Variants in CXCL14 observed in about 807,000 individuals in gnomAD.
The protein encoded by CXCL14 is C-X-C motif chemokine 14.
Under a neutral mutation model 16.1 loss-of-function variants are expected in CXCL14, and 9 were observed. That is an observed-to-expected ratio of 0.56 (90% CI 0.34 to 0.97). The LOEUF (loss-of-function observed/expected upper bound fraction) is 0.97. CXCL14 is among the 50% of genes least tolerant of loss of function. CXCL14 has a pLI of 0.02. For missense variants in CXCL14, 111 were observed against 132.5 expected (o/e 0.84, Z 0.80); for synonymous variants, 55 against 52.8 (o/e 1.04, Z -0.18).
intron 2 of CXCL14, among the ~76,000 whole-genome samples, chr5:135,575,908 G>A (rs189764502): frequency 9.6e-4 from 146 of 152,226 alleles, no homozygotes; most frequent in African/African-American, 3.3e-3. Context: ...AGAAGAGAGG[G>A]ACAGAGGTCA....
At position 135,570,771 on chromosome 5, in the gene CXCL14, G is replaced by C. The variant is rs1451617534; in HGVS notation, c.*1082C>G. 1.3e-5 allele frequency: 2 copies of C among 152,000 alleles called. No individual in the cohort carries two copies. The highest frequency in any genetic ancestry group is 2.9e-5 in the Non-Finnish European group (2 of 68,042). 9.4% of individuals were successfully genotyped at this position (152,000 alleles called of 1,614,324 possible). ...GCTAATGGTTTCTGACATGTACATA[G>C]CATATAACACAGCAGTACAATGCGG... On this transcript the variant is annotated 3_prime_UTR_variant, in exon 4 of 4. Transcript: ENST00000512158.
At chr5:135,576,156 T>A (rs1751093676) in intron 2 of CXCL14, among the ~76,000 whole-genome samples, 1 of 152,186 alleles carries the variant, frequency 6.6e-6, no homozygotes, top group African/African-American at 2.4e-5. Flanking sequence ...CGGGTCTTCC[T>A]GCTGATGCCA....
chr5:135,571,660 A>G lies in CXCL14; in HGVS notation c.*193T>C. 1.7e-6 allele frequency: 1 copy of G among 572,410 alleles called. No individual in the cohort carries two copies. The allele number at this position is 572,410 out of a possible 1,614,324, so 35.5% of individuals were successfully genotyped here. On this transcript the variant is annotated 3_prime_UTR_variant, in exon 4 of 4. Transcript: ENST00000512158. ...ATCTGGAAGCCTTTCGCACGCAGCT[A>G]TAAAATGTAAAAACTGACCGTTGGT...
chr5:135,576,367 G>A (rs752675498), intron 2 of CXCL14, among the ~76,000 whole-genome samples: 2 of 152,234 alleles, frequency 1.3e-5, no homozygotes, highest in Non-Finnish European at 2.9e-5. Flanking sequence ...ACGTGGTAAT[G>A]CCTGATAAAA....
At chr5:135,575,390 A>G (rs1326049401) in intron 2 of CXCL14, among the ~76,000 whole-genome samples, 1 of 152,194 alleles carries the variant, frequency 6.6e-6, no homozygotes, top group African/African-American at 2.4e-5. Flanking sequence ...GTGGTAGAGA[A>G]GCAGGTGTTG....
chr5:135,578,096 C>T (rs1317850209), intron 2 of CXCL14, among the ~76,000 whole-genome samples: 1 of 152,194 alleles, frequency 6.6e-6, no homozygotes, highest in Non-Finnish European at 1.5e-5. Context: ...TGATTTCAGT[C>T]TAGGTTTTCT....
intron 3 of CXCL14, among the ~76,000 whole-genome samples, chr5:135,573,041 GA>G (rs111277613): frequency 0.065 from 9,632 of 149,076 alleles, 1,048 homozygotes; most frequent in African/African-American, 0.22. Flanking sequence ...GAATTTTCAG[GA>G]AAAAAAAAAG....
At chr5:135,573,821 G>A (rs1477205056) in intron 3 of CXCL14, among the ~76,000 whole-genome samples, 2 of 151,892 alleles carry the variant, frequency 1.3e-5, no homozygotes, top group African/African-American at 2.4e-5. Context: ...GGCTACCTTC[G>A]CATGGTACAG....
chr5:135,578,381 G>A (rs1751147446), intron 2 of CXCL14, 53 bp downstream of exon 2: 3 of 1,448,682 alleles, frequency 2.1e-6, no homozygotes, highest in African/African-American at 1.4e-5. Context: ...CTGTGCCCTG[G>A]CATTGGGTTG....
chr5:135,578,259 C>T (rs1751145287), intron 2 of CXCL14, among the ~76,000 whole-genome samples, 175 bp downstream of exon 2: 1 of 152,224 alleles, frequency 6.6e-6, no homozygotes, highest in Admixed American at 6.5e-5. Flanking sequence ...TCCCGACTGT[C>T]TTCCAGAGTG....
chr5:135,571,506 C>A lies in CXCL14; in HGVS notation c.*347G>T. The A allele has an allele frequency of 4.1e-6, 1 of 244,654 alleles. No homozygotes were observed. The allele number at this position is 244,654 out of a possible 1,614,324, so 15.2% of individuals were successfully genotyped here. On this transcript the variant is annotated 3_prime_UTR_variant, in exon 4 of 4. Coordinates refer to ENST00000512158, the MANE Select transcript of CXCL14 (RefSeq NM_004887.5). The stretch of plus-strand genomic sequence containing the variant: ...TTGTTCCTCCCGGGCGCTTATAAAG[C>A]TCAGATGTATAGTGACGTATGGACA...
chr5:135,573,377 GAGGCTGTTTTGGAGGCAGCAAAAA>G (rs547757734), intron 3 of CXCL14, among the ~76,000 whole-genome samples: 9 of 152,336 alleles, frequency 5.9e-5, no homozygotes, highest in African/African-American at 2.2e-4. Context: ...AACTGCAGAT[GAGGCTGTTTTGGAGGCAGCAAAAA>G]AGGCTCAGGT....
intron 1 of CXCL14, 37 bp from the exon 2 acceptor site, chr5:135,578,576 G>A: frequency 6.2e-7 from 1 of 1,606,602 alleles, no homozygotes; most frequent in South Asian, 1.1e-5. Flanking sequence ...TAGTTGCTAG[G>A]CGGTCTCCTG....
chr5:135,574,789 C>T, intron 2 of CXCL14, 104 bp from the exon 3 acceptor site: 2 of 882,636 alleles, frequency 2.3e-6, no homozygotes, highest in South Asian at 2.9e-5. Flanking sequence ...CCCTGAGAGA[C>T]TGTGGCTTCC....
rs2126864985 is a variant in CXCL14, at chr5:135,574,512, C to G, written c.284+60G>C. ...GATGACCTGGTGGGGGGGTCCCTTC[C>G]CATCCTGAGAGCCACAGCTGGGTCT... On this transcript the variant is annotated intron_variant, in intron 3 of 3. Transcript: ENST00000512158. 10 of 1,429,624 alleles carry G rather than the reference C, an allele frequency of 7.0e-6. No individual in the cohort carries two copies. The South Asian group carries it at 1.2e-4, about 17-fold the overall frequency. The allele number at this position is 1,429,624 out of a possible 1,614,324, so 88.6% of individuals were successfully genotyped here. A position where few individuals can be genotyped will look rare whatever the true frequency, so the allele number is the denominator to read the frequency against.
At chr5:135,575,854 T>G (rs895083200) in intron 2 of CXCL14, among the ~76,000 whole-genome samples, 2 of 152,210 alleles carry the variant, frequency 1.3e-5, no homozygotes, top group Non-Finnish European at 2.9e-5. Flanking sequence ...TGGAATGGGC[T>G]TGGAGGGCAA....
Position 135,570,847 on chromosome 5 carries a change from C to T in CXCL14, c.*1006G>A, listed in dbSNP as rs190346145. The T allele has an allele frequency of 2.0e-5, 3 of 152,332 alleles. No homozygotes were observed. The highest frequency in any genetic ancestry group is 2.0e-4 in the Admixed American group (3 of 15,296). 9.4% of individuals were successfully genotyped at this position (152,332 alleles called of 1,614,324 possible). ...GGGGGCGTTCTTAAGGGTATATGTA[C>T]AGAGGAAAGGGCGCATGGTCATCTT... On this transcript the variant is annotated 3_prime_UTR_variant, in exon 4 of 4. Coordinates refer to ENST00000512158, the MANE Select transcript of CXCL14 (RefSeq NM_004887.5).
At position 135,571,710 on chromosome 5, in the gene CXCL14, A is replaced by C; in HGVS notation, c.*143T>G. The stretch of plus-strand genomic sequence containing the variant: ...TAAAAAGTGCTTCATAACAATATAT[A>C]ATTTGTGTCTTATGCCTGTGAGAAA... On this transcript the variant is annotated 3_prime_UTR_variant, in exon 4 of 4. Transcript: ENST00000512158. The C allele has an allele frequency of 1.2e-6, 1 of 827,534 alleles. No homozygotes were observed. The highest frequency in any genetic ancestry group is 1.8e-6 in the Non-Finnish European group (1 of 564,688). The allele number at this position is 827,534 out of a possible 1,614,324, so 51.3% of individuals were successfully genotyped here.
rs1751031779 is a variant in CXCL14, at chr5:135,571,742, C to CCTTT, written c.*110_*111insAAAG. 1 of 444,898 alleles carries CCTTT rather than the reference C, an allele frequency of 2.2e-6. No individual in the cohort carries two copies. Among genetic ancestry groups the CCTTT allele is most frequent in the Non-Finnish European group, 3.5e-6 (1 of 289,634 alleles). 27.6% of individuals were successfully genotyped at this position (444,898 alleles called of 1,614,324 possible). A position where few individuals can be genotyped will look rare whatever the true frequency, so the allele number is the denominator to read the frequency against. On this transcript the variant is annotated 3_prime_UTR_variant, in exon 4 of 4. Transcript: ENST00000512158. ...GTCTTATGCCTGTGAGAAAGAAAGG[C>CCTTT]TTTTTTTTTTTTTTTTTTTTTTTTT...
Sources: gnomAD v4.1 joint callset for allele counts (sites outside exome capture counted in the v4.1 genomes callset) on GRCh38, gnomAD v4.1.1 for gene constraint, MANE v1.5 for transcripts, NCBI Gene and HGNC (gene_info 2026-07-23, HGNC 2026-07-21) for gene names.